Variants in DPY19L3 observed in about 807,000 individuals in gnomAD.
DPY19L3 encodes protein C-mannosyl-transferase DPY19L3.
Under a neutral mutation model 92.3 loss-of-function variants are expected in DPY19L3, and 51 were observed. That is an observed-to-expected ratio of 0.55 (90% CI 0.44 to 0.70). The LOEUF is 0.70. Among genes scored for constraint, DPY19L3 ranks in the 30% least tolerant of loss-of-function variants. The pLI, the probability that DPY19L3 is intolerant of heterozygous loss-of-function variation, is 0.00. For missense variants in DPY19L3, 706 were observed against 855.9 expected (o/e 0.82, Z 2.18); for synonymous variants, 309 against 315.2 (o/e 0.98, Z 0.21).
intron 16 of DPY19L3, among the ~76,000 whole-genome samples, chr19:32,472,318 C>T (rs954609437): frequency 1.3e-5 from 2 of 152,056 alleles, no homozygotes; most frequent in Non-Finnish European, 2.9e-5. Context: ...AAAGTCAGGG[C>T]CCCAGGCTGC....
At chr19:32,447,775 A>AGATAGATAGATTGATTGATTGATT (rs1237623603) in intron 8 of DPY19L3, among the ~76,000 whole-genome samples, 1 of 126,942 alleles carries the variant, frequency 7.9e-6, no homozygotes, top group African/African-American at 3.1e-5. Flanking sequence ...ATAGATAGAT[A>AGATAGATAGATTGATTGATTGATT]GATTAGATAA....
intron 3 of DPY19L3, among the ~76,000 whole-genome samples, chr19:32,431,153 A>T (rs1968953100): frequency 6.6e-6 from 1 of 152,130 alleles, no homozygotes; most frequent in African/African-American, 2.4e-5. Flanking sequence ...GCCGAGGCAG[A>T]TGGATCACCT....
rs1336065594 is a variant in DPY19L3 at position 32,455,005 on chromosome 19, TTA to T, written c.1056_1057del (p.Cys353PhefsTer10). 2 of 1,572,992 alleles carry T rather than the reference TTA, an allele frequency of 1.3e-6. No homozygotes were observed. Among genetic ancestry groups the T allele is most frequent in the Non-Finnish European group, 1.7e-6 (2 of 1,168,036 alleles). On this transcript the variant is annotated frameshift_variant, in exon 10 of 19. Coordinates refer to ENST00000392250, the MANE Select transcript of DPY19L3 (RefSeq NM_001172774.2). LOFTEE classifies it high-confidence loss of function. ...GKLLLHLFMV[L>X]CLTLFLNNII... is the part of the protein sequence containing the mutation. ...ACTTTTGTTACATTTATTTATGGTT[TTA>T]TGTTTGACACTTTTTCTCAACAACA... is the stretch of plus-strand genomic sequence containing the variant.
chr19:32,464,871 A>G, intron 15 of DPY19L3, 87 bp downstream of exon 15: 1 of 917,480 alleles, frequency 1.1e-6, no homozygotes, highest in Non-Finnish European at 1.6e-6. Flanking sequence ...TTATTTGGCA[A>G]ATAGAGTGGT....
chr19:32,442,649 CAG>C (rs1969360818), intron 8 of DPY19L3, among the ~76,000 whole-genome samples: 1 of 152,134 alleles, frequency 6.6e-6, no homozygotes, highest in Admixed American at 6.5e-5. Context: ...CTGGAGAAGT[CAG>C]AAACCTGGGA....
intron 2 of DPY19L3, among the ~76,000 whole-genome samples, chr19:32,409,846 C>G (rs1185536316): frequency 6.6e-6 from 1 of 152,170 alleles, no homozygotes; most frequent in African/African-American, 2.4e-5. Flanking sequence ...GGCTCTGGTT[C>G]CATCACCACA....
At chr19:32,475,441 G>A (rs1215598958) in intron 16 of DPY19L3, among the ~76,000 whole-genome samples, 1 of 152,230 alleles carries the variant, frequency 6.6e-6, no homozygotes, top group African/African-American at 2.4e-5. Context: ...GAGGACCAAA[G>A]ACAGCCACTT....
intron 16 of DPY19L3, among the ~76,000 whole-genome samples, chr19:32,472,508 G>A (rs1371942119): frequency 6.8e-6 from 1 of 147,938 alleles, no homozygotes; most frequent in African/African-American, 2.5e-5. Flanking sequence ...AAGGTTTCCT[G>A]GATACAAAGA....
At chr19:32,471,238 T>C (rs1006901051) in intron 16 of DPY19L3, among the ~76,000 whole-genome samples, 2 of 152,206 alleles carry the variant, frequency 1.3e-5, no homozygotes, top group African/African-American at 2.4e-5. Context: ...GCATGGGCTG[T>C]GTCTGAAAGA....
At chr19:32,468,591 G>GA in intron 15 of DPY19L3, 140 bp from the exon 16 acceptor site, 1 of 1,359,330 alleles carries the variant, frequency 7.4e-7, no homozygotes, top group Non-Finnish European at 9.5e-7. Context: ...CTGCAGAGGT[G>GA]AAATAGTTGT....
chr19:32,411,524 T>G (rs1422375628), intron 3 of DPY19L3, 152 bp downstream of exon 3: 2 of 594,186 alleles, frequency 3.4e-6, no homozygotes, highest in Non-Finnish European at 5.4e-6. Context: ...TTTGTGTTTA[T>G]TATTTTAAAA....
At chr19:32,466,913 T>C (rs1970218718) in intron 15 of DPY19L3, among the ~76,000 whole-genome samples, 1 of 152,388 alleles carries the variant, frequency 6.6e-6, no homozygotes, top group East Asian at 1.9e-4. Context: ...GTTTTCCAAC[T>C]ATTCCAGCTC....
chr19:32,468,048 T>C lies in DPY19L3; in HGVS notation c.1615-683T>C, dbSNP rs960903839. ...ATATATGTCAAACCATTTGACCAGA[T>C]TTCTAGTACAAAAATACAATCATGC... is the stretch of plus-strand genomic sequence containing the variant. On this transcript the variant is annotated intron_variant, in intron 15 of 18. Coordinates refer to ENST00000392250, the MANE Select transcript of DPY19L3 (RefSeq NM_001172774.2). 3.3e-5 allele frequency: 33 copies of C among 985,124 alleles called. No individual in the cohort carries two copies. In the African/African-American group the frequency reaches 5.8e-4, roughly 17 times the overall value. 61.0% of individuals were successfully genotyped at this position (985,124 alleles called of 1,614,324 possible). A position where few individuals can be genotyped will look rare whatever the true frequency, so the allele number is the denominator to read the frequency against.
chr19:32,480,477 C>G lies in DPY19L3; in HGVS notation c.1909C>G (p.Leu637Val), dbSNP rs752702690. Residue 637 changes from leucine to valine, a missense_variant, in exon 18 of 19, where the codon CTG (leucine) becomes GTG (valine). By Grantham distance (32) the Leu-to-Val change is conservative (BLOSUM62 1). Transcript: ENST00000392250. ...LRSFGTDYVILEDSICYERRH... is the reference protein window; with the variant it reads ...LRSFGTDYVIVEDSICYERRH... ...GTCCTTCGGCACTGACTACGTAATCCTGGAAGACAGCATCTGCTACGAGCG... is the reference window on the plus strand; with the variant it reads ...GTCCTTCGGCACTGACTACGTAATCGTGGAAGACAGCATCTGCTACGAGCG... The G allele has an allele frequency of 6.2e-7, 1 of 1,614,224 alleles. No individual in the cohort carries two copies. Among genetic ancestry groups the G allele is most frequent in the Non-Finnish European group, 8.5e-7 (1 of 1,180,040 alleles).
At chr19:32,432,651 C>T in intron 3 of DPY19L3, 65 bp from the exon 4 acceptor site, 5 of 1,342,434 alleles carry the variant, frequency 3.7e-6, no homozygotes, top group Non-Finnish European at 5.3e-6. Context: ...ATCCTTTCTA[C>T]AGTAACAATA....
chr19:32,475,545 A>G (rs764493824), intron 16 of DPY19L3, among the ~76,000 whole-genome samples: 1 of 152,220 alleles, frequency 6.6e-6, no homozygotes, highest in Admixed American at 6.5e-5. Flanking sequence ...CCTGGCTTGG[A>G]AAAATGGTGG....
At chr19:32,418,750 T>G (rs1466781709) in intron 3 of DPY19L3, among the ~76,000 whole-genome samples, 3 of 152,226 alleles carry the variant, frequency 2.0e-5, no homozygotes, top group Non-Finnish European at 4.4e-5. Flanking sequence ...TAGTGTTTAA[T>G]GAAAATACTT....
chr19:32,479,385 C>T (rs145054419), intron 17 of DPY19L3, among the ~76,000 whole-genome samples: 1 of 152,136 alleles, frequency 6.6e-6, no homozygotes, highest in East Asian at 1.9e-4. Context: ...TCCTGGGCAT[C>T]TCCTTTCCTG....
rs1970728547 is a variant in DPY19L3, at chr19:32,483,528, A to G, written c.*1288A>G. The G allele has an allele frequency of 6.6e-6, 1 of 152,662 alleles. No homozygotes were observed. The highest frequency in any genetic ancestry group is 6.5e-5 in the Admixed American group (1 of 15,282). The allele number at this position is 152,662 out of a possible 1,614,324, so 9.5% of individuals were successfully genotyped here. Reference sequence around the variant, plus strand: ...CTTGCCAGGTGGAAATGATTTAAGCATTTCTCCTTGCAGTTGTATTGAAGT... The same window carrying G: ...CTTGCCAGGTGGAAATGATTTAAGCGTTTCTCCTTGCAGTTGTATTGAAGT... On this transcript the variant is annotated 3_prime_UTR_variant, in exon 19 of 19. Coordinates refer to ENST00000392250, the MANE Select transcript of DPY19L3 (RefSeq NM_001172774.2).
Sources: gnomAD v4.1 joint callset for allele counts (sites outside exome capture counted in the v4.1 genomes callset) on GRCh38, gnomAD v4.1.1 for gene constraint, MANE v1.5 for transcripts, NCBI Gene and HGNC (gene_info 2026-07-23, HGNC 2026-07-21) for gene names.